EYS: variants seen among roughly 807,000 people sequenced by gnomAD.
EYS encodes the protein EGF-like photoreceptor maintenance factor, also known as protein eyes shut homolog.
EYS carries 250 observed loss-of-function variants against 282.1 expected under a neutral mutation model. That is an observed-to-expected ratio of 0.89 (90% CI 0.80 to 0.98). EYS has a LOEUF of 0.98. Among genes scored for constraint, EYS ranks in the 50% least tolerant of loss-of-function variants. EYS has a pLI of 0.00. For missense variants in EYS, 4,016 were observed against 3,709.0 expected, an observed-to-expected ratio of 1.08 and a Z score of -2.15; for synonymous variants, 1,355 against 1,282.9, an observed-to-expected ratio of 1.06 and a Z score of -1.20.
intron 12 of EYS, among the ~76,000 whole-genome samples, chr6:65,227,585 G>A (rs755694710): frequency 6.6e-6 from 1 of 152,014 alleles, no homozygotes; most frequent in Non-Finnish European, 1.5e-5. Flanking sequence ...ATAAATAAAC[G>A]AATTGAAAGC....
chr6:64,170,841 A>G (rs1764455838), intron 31 of EYS, among the ~76,000 whole-genome samples: 1 of 152,170 alleles, frequency 6.6e-6, no homozygotes, highest in East Asian at 1.9e-4. Context: ...TAGTACTTTC[A>G]TACACATTTT....
intron 22 of EYS, among the ~76,000 whole-genome samples, chr6:64,657,863 T>G (rs1165503379): frequency 2.6e-5 from 4 of 152,144 alleles, no homozygotes; most frequent in Non-Finnish European, 5.9e-5. Flanking sequence ...GAGTATCTTT[T>G]TGGCATTCTC....
At chr6:64,676,996 GC>G (rs1190416156) in intron 22 of EYS, among the ~76,000 whole-genome samples, 7 of 152,076 alleles carry the variant, frequency 4.6e-5, no homozygotes, top group Admixed American at 1.3e-4. Context: ...GCAAATGCAT[GC>G]TTTTTGAACT....
At chr6:65,406,541 T>C (rs1220935979) in intron 5 of EYS, among the ~76,000 whole-genome samples, 4 of 152,140 alleles carry the variant, frequency 2.6e-5, no homozygotes, top group African/African-American at 9.6e-5. Context: ...ATATATTTTA[T>C]AATTTTAGCT....
At chr6:63,734,186 G>A (rs1206272175) in intron 41 of EYS, among the ~76,000 whole-genome samples, 2 of 152,064 alleles carry the variant, frequency 1.3e-5, no homozygotes, top group East Asian at 1.9e-4. Context: ...CACTACCTGG[G>A]TGACTGGGTT....
intron 19 of EYS, among the ~76,000 whole-genome samples, chr6:64,847,473 C>A (rs959585433): frequency 1.3e-5 from 2 of 151,798 alleles, no homozygotes; most frequent in African/African-American, 4.8e-5. Context: ...ATCTCATATC[C>A]TCATCTTTAA....
intron 12 of EYS, among the ~76,000 whole-genome samples, chr6:65,282,080 G>C (rs1272085712): frequency 6.6e-6 from 1 of 150,758 alleles, no homozygotes; most frequent in African/African-American, 2.4e-5. Context: ...TGGAGGATTT[G>C]AGTGGGGGTG....
intron 29 of EYS, among the ~76,000 whole-genome samples, chr6:64,369,032 T>G (rs1772266775): frequency 6.6e-6 from 1 of 152,170 alleles, no homozygotes; most frequent in Admixed American, 6.6e-5. Context: ...ATTTTATAGT[T>G]TGAGGGTTAC....
chr6:64,897,830 T>A (rs186510375), intron 18 of EYS, among the ~76,000 whole-genome samples: 4 of 152,136 alleles, frequency 2.6e-5, no homozygotes, highest in Non-Finnish European at 5.9e-5. Context: ...AATAGCTGAA[T>A]AGATTAAGTG....
intron 26 of EYS, among the ~76,000 whole-genome samples, chr6:64,503,260 CAA>C (rs1343940349): frequency 6.6e-6 from 1 of 152,040 alleles, no homozygotes; most frequent in Non-Finnish European, 1.5e-5. Context: ...CTAGCCAGTT[CAA>C]AGACAGAGAG....
intron 5 of EYS, among the ~76,000 whole-genome samples, chr6:65,411,530 T>C (rs1329305805): frequency 1.3e-5 from 2 of 152,038 alleles, no homozygotes; most frequent in Admixed American, 6.6e-5. Context: ...TGTCATTTCA[T>C]CACATGTGTA....
intron 30 of EYS, among the ~76,000 whole-genome samples, chr6:64,279,861 A>G (rs967687918): frequency 5.3e-5 from 8 of 152,142 alleles, no homozygotes; most frequent in African/African-American, 1.4e-4. Flanking sequence ...GCAGAATCAC[A>G]TATTTTAGAT....
At position 63,720,651 on chromosome 6, in the gene EYS, A is replaced by C; in HGVS notation, c.9380T>G (p.Ile3127Ser). Residue 3127 changes from isoleucine (I) to serine (S), a missense_variant, in exon 43 of 43, where the codon ATT (isoleucine) becomes AGT (serine). Transcript: ENST00000503581. ...ATAAACATTGTATCCTTCTAATTTAATTAGTTCAATGTTTTTTGGTTCCTG... is the reference window on the plus strand; with the variant it reads ...ATAAACATTGTATCCTTCTAATTTACTTAGTTCAATGTTTTTTGGTTCCTG... The part of the protein sequence containing the change: ...FFQEPKNIEL[I>S]KLEGYNVYDG... 6.5e-7 allele frequency: 1 copy of C among 1,533,894 alleles called. No homozygotes were observed. Among genetic ancestry groups the C allele is most frequent in the East Asian group, 2.5e-5 (1 of 40,712 alleles).
chr6:65,142,160 T>C (rs2150209554), intron 12 of EYS, among the ~76,000 whole-genome samples: 1 of 152,184 alleles, frequency 6.6e-6, no homozygotes, highest in Non-Finnish European at 1.5e-5. Context: ...TTTTATAGTA[T>C]ATACGTATTT....
chr6:65,570,807 G>C (rs1764450009), intron 2 of EYS, among the ~76,000 whole-genome samples: 1 of 152,056 alleles, frequency 6.6e-6, no homozygotes, highest in Non-Finnish European at 1.5e-5. Flanking sequence ...GGAAACTTCA[G>C]CCTTAGAAAT....
At chr6:64,633,117 C>T (rs907561459) in intron 22 of EYS, among the ~76,000 whole-genome samples, 4 of 152,030 alleles carry the variant, frequency 2.6e-5, no homozygotes, top group African/African-American at 7.2e-5. Context: ...ATTCTATTGT[C>T]ACTATCAATT....
intron 33 of EYS, among the ~76,000 whole-genome samples, chr6:64,023,007 C>A (rs1435706740): frequency 4.6e-5 from 7 of 152,192 alleles, no homozygotes; most frequent in Non-Finnish European, 1.0e-4. Context: ...AATAATTCCC[C>A]ATTCTGCCCT....
chr6:64,496,233 C>T (rs1015280570), intron 26 of EYS, among the ~76,000 whole-genome samples: 4 of 151,848 alleles, frequency 2.6e-5, no homozygotes, highest in Admixed American at 2.6e-4. Flanking sequence ...AAGTAGGAAA[C>T]TTTGATTTGC....
At chr6:65,012,467 G>A (rs1771904172) in intron 13 of EYS, among the ~76,000 whole-genome samples, 1 of 152,148 alleles carries the variant, frequency 6.6e-6, no homozygotes, top group Non-Finnish European at 1.5e-5. Context: ...CTTTAAAGCA[G>A]AAAATATACA....
Sources: allele counts gnomAD v4.1 joint callset (sites outside exome capture counted in the v4.1 genomes callset), GRCh38; gene constraint gnomAD v4.1.1; transcripts MANE v1.5; gene names NCBI Gene and HGNC (gene_info 2026-07-23, HGNC 2026-07-21).